Variants in CDK13 observed in about 807,000 individuals in gnomAD.
The protein encoded by CDK13 is cyclin-dependent kinase 13.
A neutral mutation model predicts 137.6 loss-of-function variants in CDK13; 40 were observed. That is an observed-to-expected ratio of 0.29 (90% CI 0.23 to 0.38). The LOEUF (loss-of-function observed/expected upper bound fraction) is 0.38, where lower values mean the gene tolerates loss of function less well. Among genes scored for constraint, CDK13 ranks in the 10% least tolerant of loss-of-function variants. The pLI is 1.00. For synonymous variants in CDK13, 869 were observed against 760.1 expected (o/e 1.14, Z -2.36); for missense variants, 1,704 against 1,951.8 (o/e 0.87, Z 2.39).
At chr7:39,978,687 A>G (rs1246611711) in intron 1 of CDK13, among the ~76,000 whole-genome samples, 2 of 152,242 alleles carry the variant, frequency 1.3e-5, no homozygotes, top group African/African-American at 2.4e-5. Flanking sequence ...TTTAATGGAT[A>G]TCTTGTTAAA....
chr7:40,073,945 C>T (rs879583642), intron 9 of CDK13, among the ~76,000 whole-genome samples: 1 of 149,752 alleles, frequency 6.7e-6, no homozygotes, highest in African/African-American at 2.5e-5. Context: ...GTCTGTCATC[C>T]AGGCTGGAGT....
At chr7:40,093,291 G>A in intron 13 of CDK13, 54 bp downstream of exon 13, 1 of 1,380,342 alleles carries the variant, frequency 7.2e-7, no homozygotes, top group Non-Finnish European at 1.0e-6. Flanking sequence ...TGTCTACTCA[G>A]TGTTGCTGAC....
At chr7:40,084,466 G>T (rs1210447303) in intron 11 of CDK13, among the ~76,000 whole-genome samples, 1 of 152,120 alleles carries the variant, frequency 6.6e-6, no homozygotes, top group Non-Finnish European at 1.5e-5. Flanking sequence ...TGACAAGAGT[G>T]AAACTCTGTC....
chr7:39,954,197 C>G (rs1011727350), intron 1 of CDK13, among the ~76,000 whole-genome samples: 5 of 151,936 alleles, frequency 3.3e-5, no homozygotes, highest in African/African-American at 9.7e-5. Context: ...AAAACTCATA[C>G]GGTTTTCAGA....
At chr7:39,967,470 T>TA (rs796370648) in intron 1 of CDK13, among the ~76,000 whole-genome samples, 231 of 144,346 alleles carry the variant, frequency 1.6e-3, no homozygotes, top group Admixed American at 3.1e-3. Flanking sequence ...TGAACCACAT[T>TA]AAAAAAAAAA....
chr7:40,093,925 T>A (rs1172450192), intron 13 of CDK13, among the ~76,000 whole-genome samples: 8 of 23,938 alleles, frequency 3.3e-4, no homozygotes, highest in East Asian at 2.6e-3. Flanking sequence ...AAAAAAAAAT[T>A]TTTTTTTTTT....
intron 11 of CDK13, 140 bp from the exon 12 acceptor site, chr7:40,087,986 T>A: frequency 1.6e-6 from 1 of 632,614 alleles, no homozygotes; most frequent in Non-Finnish European, 2.7e-6. Context: ...ATGATTTTTA[T>A]TGGAAGAGTT....
chr7:40,006,697 G>A (rs189475598), intron 5 of CDK13, among the ~76,000 whole-genome samples: 47 of 152,186 alleles, frequency 3.1e-4, no homozygotes, highest in Middle Eastern at 3.4e-3. Context: ...CAGGAGAATC[G>A]CTTGAACCCG....
chr7:40,020,345 G>C (rs1785087750), intron 5 of CDK13, among the ~76,000 whole-genome samples: 1 of 152,180 alleles, frequency 6.6e-6, no homozygotes, highest in Non-Finnish European at 1.5e-5. Flanking sequence ...TGGGATTACA[G>C]GTGTGAGCCG....
chr7:39,991,406 TCTTTG>T (rs1562716252), intron 2 of CDK13, among the ~76,000 whole-genome samples: 1 of 152,260 alleles, frequency 6.6e-6, no homozygotes, highest in African/African-American at 2.4e-5. Flanking sequence ...AAGCTTTTGA[TCTTTG>T]CTTTCTTTGA....
chr7:40,017,236 G>A (rs1004216091), intron 5 of CDK13, among the ~76,000 whole-genome samples: 2 of 152,014 alleles, frequency 1.3e-5, no homozygotes, highest in Admixed American at 6.5e-5. Flanking sequence ...GGTTTTTAGC[G>A]TCTTCCAACA....
intron 11 of CDK13, among the ~76,000 whole-genome samples, chr7:40,083,957 A>G (rs977111746): frequency 3.9e-5 from 6 of 152,238 alleles, no homozygotes; most frequent in Non-Finnish European, 8.8e-5. Flanking sequence ...GAAGAAATAC[A>G]TGGTATTCCT....
At chr7:40,056,136 A>C in intron 7 of CDK13, among the ~76,000 whole-genome samples, 1 of 152,160 alleles carries the variant, frequency 6.6e-6, no homozygotes, top group East Asian at 1.9e-4. Context: ...GACTCCACCT[A>C]CGTTGGAACT....
intron 5 of CDK13, among the ~76,000 whole-genome samples, chr7:40,022,628 GT>G (rs1002432207): frequency 6.0e-5 from 9 of 151,216 alleles, no homozygotes; most frequent in Admixed American, 3.3e-4. Context: ...CTGGGGTGGG[GT>G]TAGGGGAATA....
intron 5 of CDK13, among the ~76,000 whole-genome samples, chr7:40,017,406 T>C (rs1440597424): frequency 6.6e-6 from 1 of 152,128 alleles, no homozygotes; most frequent in Non-Finnish European, 1.5e-5. Flanking sequence ...ATTCAATTTT[T>C]TTACATTCTA....
chr7:39,995,165 A>G (rs1323129370), intron 2 of CDK13, among the ~76,000 whole-genome samples: 2 of 151,982 alleles, frequency 1.3e-5, no homozygotes, highest in Non-Finnish European at 2.9e-5. Context: ...TTTCTATTTT[A>G]TTATTGCAAA....
chr7:40,007,752 G>T (rs1330932800), intron 5 of CDK13, among the ~76,000 whole-genome samples: 2 of 152,078 alleles, frequency 1.3e-5, no homozygotes, highest in African/African-American at 4.8e-5. Flanking sequence ...CATATAACTT[G>T]TCATGTTTTC....
intron 5 of CDK13, among the ~76,000 whole-genome samples, chr7:40,031,508 T>C (rs779057995): frequency 2.6e-5 from 4 of 152,120 alleles, no homozygotes; most frequent in Non-Finnish European, 4.4e-5. Context: ...GGCAACAGAG[T>C]GAGACTCTGT....
At chr7:39,961,792 C>A (rs1475365468) in intron 1 of CDK13, among the ~76,000 whole-genome samples, 6 of 152,182 alleles carry the variant, frequency 3.9e-5, no homozygotes, top group Non-Finnish European at 4.4e-5. Flanking sequence ...CTCCCTCCCC[C>A]TACCCCACAA....
Sources: allele counts gnomAD v4.1 joint callset (sites outside exome capture counted in the v4.1 genomes callset), GRCh38; gene constraint gnomAD v4.1.1; transcripts MANE v1.5; gene names NCBI Gene and HGNC (gene_info 2026-07-23, HGNC 2026-07-21).